Variants in BAIAP2 observed in about 807,000 individuals in gnomAD.
BAIAP2 encodes the protein BAR/IMD domain-containing adapter protein 2.
Under a neutral mutation model 63.0 loss-of-function variants are expected in BAIAP2, and 18 were observed. The ratio of observed to expected loss-of-function variants is 0.29; its 90% CI spans 0.20 to 0.42. The LOEUF is 0.42. Ranked by LOEUF, BAIAP2 falls within the 10% of genes least tolerant of loss-of-function variation. BAIAP2 has a pLI of 1.00. For missense variants in BAIAP2, 610 were observed against 734.3 expected, an observed-to-expected ratio of 0.83 and a Z score of 1.96; for synonymous variants, 386 against 307.6, an observed-to-expected ratio of 1.25 and a Z score of -2.67.
At chr17:81,073,882 G>C (rs1239608492) in intron 3 of BAIAP2, among the ~76,000 whole-genome samples, 1 of 152,206 alleles carries the variant, frequency 6.6e-6, no homozygotes, top group African/African-American at 2.4e-5. Context: ...GCTGGCAGGC[G>C]CCAGTTCCTT....
intron 7 of BAIAP2, 72 bp from the exon 8 acceptor site, chr17:81,103,430 C>A: frequency 1.4e-6 from 2 of 1,403,936 alleles, no homozygotes; most frequent in Admixed American, 2.0e-5. Flanking sequence ...CAGGGAGGGC[C>A]CTCAGCGCTG....
intron 13 of BAIAP2, 193 bp downstream of exon 13, chr17:81,108,702 G>GCCCTGCC (rs2059484766): frequency 1.2e-6 from 1 of 858,762 alleles, no homozygotes; most frequent in South Asian, 1.8e-5. Context: ...ACCCCCCTGG[G>GCCCTGCC]CCCTGCCCCT....
intron 1 of BAIAP2, among the ~76,000 whole-genome samples, chr17:81,036,403 C>T (rs368970542): frequency 1.4e-4 from 21 of 152,376 alleles, no homozygotes; most frequent in African/African-American, 4.6e-4. Flanking sequence ...CCCTGCCCGG[C>T]AGAGTAACTG....
intron 13 of BAIAP2, chr17:81,109,954 G>C (rs1315144447): frequency 1.0e-6 from 1 of 985,430 alleles, no homozygotes; most frequent in African/African-American, 1.7e-5. Context: ...CCCACCTGGG[G>C]GAAACAGGCG....
intron 1 of BAIAP2, among the ~76,000 whole-genome samples, chr17:81,047,892 A>T (rs2048064863): frequency 6.6e-6 from 1 of 152,276 alleles, no homozygotes; most frequent in Non-Finnish European, 1.5e-5. Flanking sequence ...ACACACGGAT[A>T]TATGTGCATG....
chr17:81,036,549 T>C (rs184369026), intron 1 of BAIAP2, among the ~76,000 whole-genome samples: 1 of 152,232 alleles, frequency 6.6e-6, no homozygotes, highest in Non-Finnish European at 1.5e-5. Flanking sequence ...AGGGGGCCGA[T>C]TGCACTTGAA....
intron 10 of BAIAP2, 34 bp from the exon 11 acceptor site, chr17:81,106,044 T>C: frequency 6.4e-7 from 1 of 1,551,420 alleles, no homozygotes; most frequent in Non-Finnish European, 8.7e-7. Context: ...GCCTCTGGGC[T>C]GAGCGTGGCT....
At chr17:81,089,298 C>T (rs1223900849) in intron 6 of BAIAP2, among the ~76,000 whole-genome samples, 2 of 152,190 alleles carry the variant, frequency 1.3e-5, no homozygotes, top group Admixed American at 6.5e-5. Flanking sequence ...TGAGCCACCT[C>T]CAGTGCCTCG....
intron 2 of BAIAP2, among the ~76,000 whole-genome samples, chr17:81,054,484 G>A (rs1278045112): frequency 1.3e-5 from 2 of 152,180 alleles, no homozygotes; most frequent in African/African-American, 4.8e-5. Context: ...TTCTGGACTG[G>A]GTCTGCTGTC....
In BAIAP2 at chr17:81,057,987, C is replaced by CA. The variant is rs765552554; in HGVS notation, c.217+20_217+21insA. 25 of 1,149,222 alleles carry CA rather than the reference C, an allele frequency of 2.2e-5. No individual in the cohort carries two copies. The highest frequency in any genetic ancestry group is 3.3e-5 in the South Asian group (2 of 60,106). The allele number at this position is 1,149,222 out of a possible 1,614,324, so 71.2% of individuals were successfully genotyped here. A position where few individuals can be genotyped will look rare whatever the true frequency, so the allele number is the denominator to read the frequency against. On this transcript the variant is annotated intron_variant, in intron 3 of 13. Transcript: ENST00000428708. ...AACTCGGTGAGACCCCCCCCCCCCC[C>CA]CCGCCTGGTAGTCGCCTGATGCCCT... is the stretch of plus-strand genomic sequence containing the variant.
intron 7 of BAIAP2, among the ~76,000 whole-genome samples, chr17:81,101,127 C>G (rs1027287701): frequency 2.0e-5 from 3 of 151,948 alleles, no homozygotes; most frequent in Admixed American, 6.6e-5. Context: ...TCCCGCTAGG[C>G]GTCCCCCAGC....
intron 3 of BAIAP2, chr17:81,083,941 C>G (rs934098014): frequency 6.6e-6 from 1 of 152,244 alleles, no homozygotes; most frequent in Non-Finnish European, 1.5e-5. Flanking sequence ...GAGGCCCTTA[C>G]AGAGTGGGGG....
intron 6 of BAIAP2, among the ~76,000 whole-genome samples, chr17:81,090,031 C>T (rs1034785959): frequency 6.6e-6 from 1 of 152,186 alleles, no homozygotes; most frequent in African/African-American, 2.4e-5. Flanking sequence ...CCAGCCCTGG[C>T]TGAGCAGCCT....
At position 81,055,569 on chromosome 17, in the gene BAIAP2, G is replaced by GGTTTTTTTTTTTTTTTTTTTT. The variant is rs138656369; in HGVS notation, c.130+1826_130+1827insGTTTTTTTTTTTTTTTTTTTT. 3.5e-3 allele frequency among the ~76,000 whole-genome samples: 329 copies of GGTTTTTTTTTTTTTTTTTTTT among 93,788 alleles called. 19 individuals carry two copies. Among genetic ancestry groups the GGTTTTTTTTTTTTTTTTTTTT allele is most frequent in the African/African-American group, 0.011 (261 of 24,528 alleles). 61.5% of individuals were successfully genotyped at this position (93,788 alleles called of 152,430 possible). On this transcript the variant is annotated intron_variant, in intron 2 of 13. Transcript: ENST00000428708. ...TTCCTCCAGCGAAAGTCTGCAGGGTGTTTTGTTTTTTTTTGAGACGGAGTC... is the reference window on the plus strand; with the variant it reads ...TTCCTCCAGCGAAAGTCTGCAGGGTGGTTTTTTTTTTTTTTTTTTTTTTTTGTTTTTTTTTGAGACGGAGTC...
At chr17:81,042,798 C>T (rs911537734) in intron 1 of BAIAP2, among the ~76,000 whole-genome samples, 2 of 152,172 alleles carry the variant, frequency 1.3e-5, no homozygotes, top group African/African-American at 4.8e-5. Context: ...TTGTCTCACC[C>T]AGAGCCAAGC....
chr17:81,054,731 C>G (rs550473733), intron 2 of BAIAP2, among the ~76,000 whole-genome samples: 1 of 152,162 alleles, frequency 6.6e-6, no homozygotes, highest in Non-Finnish European at 1.5e-5. Context: ...CAGGGACATT[C>G]CATTCTTCCC....
Position 81,057,971 on chromosome 17 carries a change from A to AGG in BAIAP2, c.217+5_217+6insGG. On this transcript the variant is annotated splice_donor_region_variant and intron_variant, in intron 3 of 13. Transcript: ENST00000428708. Reference sequence around the variant, plus strand: ...AGCCAGGGCTCCAAAGAACTCGGTGAGACCCCCCCCCCCCCCCCGCCTGGT... The same window carrying AGG: ...AGCCAGGGCTCCAAAGAACTCGGTGAGGGACCCCCCCCCCCCCCCCGCCTGGT... 2 of 664,804 alleles carry AGG rather than the reference A, an allele frequency of 3.0e-6. No individual in the cohort carries two copies. The highest frequency in any genetic ancestry group is 4.3e-6 in the Non-Finnish European group (2 of 462,416). 41.2% of individuals were successfully genotyped at this position (664,804 alleles called of 1,614,324 possible).
intron 1 of BAIAP2, among the ~76,000 whole-genome samples, chr17:81,040,541 C>T (rs1176368801): frequency 1.3e-5 from 2 of 152,288 alleles, no homozygotes; most frequent in African/African-American, 4.8e-5. Context: ...CTTGATCTGT[C>T]CTGCCCACGG....
intron 6 of BAIAP2, among the ~76,000 whole-genome samples, chr17:81,093,926 C>T (rs1000793150): frequency 6.6e-6 from 1 of 152,126 alleles, no homozygotes; most frequent in Non-Finnish European, 1.5e-5. Flanking sequence ...TGTCTGTGGA[C>T]AACCCCTCCC....
Sources: gnomAD v4.1 joint callset for allele counts (sites outside exome capture counted in the v4.1 genomes callset) on GRCh38, gnomAD v4.1.1 for gene constraint, MANE v1.5 for transcripts, NCBI Gene and HGNC (gene_info 2026-07-23, HGNC 2026-07-21) for gene names.